Variants in ADCY1 observed in about 807,000 individuals in gnomAD.
ADCY1 encodes adenylate cyclase type 1.
ADCY1 carries 28 observed loss-of-function variants against 105.4 expected under a neutral mutation model. That is an observed-to-expected ratio of 0.27 (90% confidence interval 0.20 to 0.36). The LOEUF is 0.36. Ranked by LOEUF, ADCY1 falls within the 10% of genes least tolerant of loss-of-function variation. The pLI is 1.00. For synonymous variants in ADCY1, 655 were observed against 623.8 expected (o/e 1.05, Z -0.75); for missense variants, 977 against 1,434.2 (o/e 0.68, Z 5.15).
At chr7:45,700,517 C>A (rs1784977081) in intron 14 of ADCY1, among the ~76,000 whole-genome samples, 1 of 152,120 alleles carries the variant, frequency 6.6e-6, no homozygotes, top group Non-Finnish European at 1.5e-5. Flanking sequence ...GTTTGTGGAC[C>A]CTGGGATGCC....
chr7:45,711,656 C>CACAT (rs1451394299), intron 19 of ADCY1, among the ~76,000 whole-genome samples: 2 of 125,460 alleles, frequency 1.6e-5, no homozygotes, highest in Non-Finnish European at 3.4e-5. Context: ...CACACACACA[C>CACAT]GTATGTATAC....
rs115113253 is a variant in ADCY1, at chr7:45,581,041, C to T, written c.639+5859C>T. 2.2e-3 allele frequency among the ~76,000 whole-genome samples: 341 copies of T among 152,258 alleles called. 1 individual carries two copies. The highest frequency in any genetic ancestry group is 7.7e-3 in the African/African-American group (318 of 41,552). ...TCCTTGGACCATTTCCTGACTCAGA[C>T]GGAAGCTGGTGGGCATGTGAGGTGG... is the stretch of plus-strand genomic sequence containing the variant. On this transcript the variant is annotated intron_variant, in intron 1 of 19. Coordinates refer to ENST00000297323, the MANE Select transcript of ADCY1 (RefSeq NM_021116.4).
Position 45,574,574 on chromosome 7 carries a change from G to A in ADCY1, c.31G>A (p.Gly11Ser). 4.0e-6 allele frequency: 4 copies of A among 989,428 alleles called. No homozygotes were observed. Among genetic ancestry groups the A allele is most frequent in the Non-Finnish European group, 3.6e-6 (3 of 834,622 alleles). The allele number at this position is 989,428 out of a possible 1,614,324, so 61.3% of individuals were successfully genotyped here. Residue 11 changes from glycine to serine, a missense_variant, in exon 1 of 20, where the codon GGC becomes AGC. Coordinates refer to ENST00000297323, the MANE Select transcript of ADCY1 (RefSeq NM_021116.4). This position sits in a 1 kb window ranked among gnomAD's most constrained non-coding sequence, Gnocchi z 7.0. ...GGGGGCGCCGCGCGGCGGAGGCGGC[G>A]GCGGAGGCGGCGCGGGCGAGCCCGG... MAGAPRGGGG[G>S]GGGAGEPGGA...
intron 4 of ADCY1, among the ~76,000 whole-genome samples, chr7:45,624,938 C>A (rs1794008488): frequency 6.6e-6 from 1 of 152,230 alleles, no homozygotes; most frequent in Non-Finnish European, 1.5e-5. Flanking sequence ...TGTGAGGGGA[C>A]AGGACCCACG....
intron 3 of ADCY1, among the ~76,000 whole-genome samples, chr7:45,610,769 AGTGGAGGTGTGG>A (rs1584268181): frequency 1.4e-4 from 3 of 21,514 alleles, no homozygotes; most frequent in Non-Finnish European, 2.7e-4. Context: ...TAGAGGTGAT[AGTGGAGGTGTGG>A]GGGTGATGGT....
At position 45,643,232 on chromosome 7, in the gene ADCY1, T is replaced by C. The variant is rs117023578; in HGVS notation, c.1021-5438T>C. ...GGTTTTTCAACACCATAATCTGGGT[T>C]GTAATTGGTCCGAGGCTTTTTAGGG... On this transcript the variant is annotated intron_variant, in intron 4 of 19. Transcript: ENST00000297323. Among the ~76,000 whole-genome samples the C allele has an allele frequency of 2.5e-3, 373 of 151,830 alleles. 3 individuals are homozygous for C. The highest frequency in any genetic ancestry group is 1.5e-3 in the South Asian group (7 of 4,768).
At chr7:45,652,215 A>G (rs1354988669) in intron 5 of ADCY1, among the ~76,000 whole-genome samples, 6 of 152,058 alleles carry the variant, frequency 3.9e-5, no homozygotes, top group East Asian at 1.9e-4. Flanking sequence ...TGATCCAGTT[A>G]CCTCCCACCA....
intron 5 of ADCY1, among the ~76,000 whole-genome samples, chr7:45,655,117 G>A (rs765519161): frequency 1.7e-4 from 26 of 152,206 alleles, no homozygotes; most frequent in South Asian, 4.1e-4. Flanking sequence ...AATAATGGCT[G>A]ACACTCAGTA....
At chr7:45,634,943 A>G (rs1157861264) in intron 4 of ADCY1, among the ~76,000 whole-genome samples, 1 of 152,212 alleles carries the variant, frequency 6.6e-6, no homozygotes, top group Non-Finnish European at 1.5e-5. Flanking sequence ...TGTCAAGATA[A>G]TGCTTAACTC....
chr7:45,688,416 T>G (rs1430276567), intron 14 of ADCY1, among the ~76,000 whole-genome samples: 1 of 152,174 alleles, frequency 6.6e-6, no homozygotes, highest in Non-Finnish European at 1.5e-5. Flanking sequence ...GATCTCTTTC[T>G]GGGAGGGAGG....
chr7:45,695,431 C>G (rs919571797), intron 14 of ADCY1, among the ~76,000 whole-genome samples: 6 of 152,188 alleles, frequency 3.9e-5, no homozygotes, highest in Non-Finnish European at 7.3e-5. Flanking sequence ...CTCATGGATG[C>G]CATGCATGAC....
At position 45,575,330 on chromosome 7, in the gene ADCY1, G is replaced by C. The variant is rs1056835116; in HGVS notation, c.639+148G>C. ...GGGGTGTGTTCAAGGTCACTCCTAC[G>C]AGTTGGGGACGCAGTCGGGGCTGGC... On this transcript the variant is annotated intron_variant, in intron 1 of 19. Coordinates refer to ENST00000297323, the MANE Select transcript of ADCY1 (RefSeq NM_021116.4). The surrounding 1 kb of genome is among the most constrained non-coding windows in gnomAD (Gnocchi z 4.7). 1 of 1,062,008 alleles carries C rather than the reference G, an allele frequency of 9.4e-7. No individual in the cohort carries two copies. The highest frequency in any genetic ancestry group is 1.3e-6 in the Non-Finnish European group (1 of 761,666). The allele number at this position is 1,062,008 out of a possible 1,614,324, so 65.8% of individuals were successfully genotyped here. A position where few individuals can be genotyped will look rare whatever the true frequency, so the allele number is the denominator to read the frequency against.
At chr7:45,687,675 A>T (rs560571010) in intron 14 of ADCY1, among the ~76,000 whole-genome samples, 1 of 152,350 alleles carries the variant, frequency 6.6e-6, no homozygotes, top group South Asian at 2.1e-4. Flanking sequence ...GAGCTATTTG[A>T]TCTCATTCAG....
chr7:45,677,244 T>C (rs1784473342), intron 8 of ADCY1, among the ~76,000 whole-genome samples: 1 of 152,226 alleles, frequency 6.6e-6, no homozygotes, highest in African/African-American at 2.4e-5. Context: ...TCTTTTAATA[T>C]TCTTATTTTC....
intron 4 of ADCY1, among the ~76,000 whole-genome samples, chr7:45,629,737 T>C (rs1299660348): frequency 6.6e-6 from 1 of 152,172 alleles, no homozygotes; most frequent in African/African-American, 2.4e-5. Flanking sequence ...GCCAGGATGG[T>C]CTTGATCTCC....
intron 1 of ADCY1, among the ~76,000 whole-genome samples, chr7:45,589,948 T>C (rs1429753422): frequency 6.6e-6 from 1 of 152,084 alleles, no homozygotes; most frequent in Non-Finnish European, 1.5e-5. Flanking sequence ...CAGGTAGTGA[T>C]GGTTCCCATT....
At chr7:45,664,554 T>C (rs1795218843) in intron 8 of ADCY1, 1 of 1,306,696 alleles carries the variant, frequency 7.7e-7, no homozygotes, top group Non-Finnish European at 1.0e-6. Context: ...AGGGAGAAAA[T>C]GAAAAGCATT....
chr7:45,704,033 G>A (rs1266409676), intron 16 of ADCY1, among the ~76,000 whole-genome samples: 1 of 152,214 alleles, frequency 6.6e-6, no homozygotes, highest in Non-Finnish European at 1.5e-5. Flanking sequence ...GCCAGGGCTG[G>A]GCAGCCTCAT....
intron 19 of ADCY1, among the ~76,000 whole-genome samples, chr7:45,711,919 T>TAAA (rs1242061879): frequency 1.2e-5 from 1 of 86,300 alleles, no homozygotes; most frequent in East Asian, 2.9e-4. Flanking sequence ...TATAAATATA[T>TAAA]TATATATTAT....
Sources: allele counts gnomAD v4.1 joint callset (sites outside exome capture counted in the v4.1 genomes callset), GRCh38; gene constraint gnomAD v4.1.1; non-coding constraint Gnocchi (gnomAD v3.1); transcripts MANE v1.5; gene names NCBI Gene and HGNC (gene_info 2026-07-23, HGNC 2026-07-21).